Variants in RBMS3 observed in about 807,000 individuals in gnomAD.
The protein encoded by RBMS3 is RNA binding motif single stranded interacting protein 3.
RBMS3 carries 27 observed loss-of-function variants against 66.8 expected under a neutral mutation model. That is an observed-to-expected ratio of 0.40 (90% confidence interval 0.30 to 0.56). The LOEUF is 0.56. RBMS3 is among the 20% of genes least tolerant of loss of function. RBMS3 has a pLI of 0.40. For missense variants in RBMS3, 513 were observed against 549.5 expected (o/e 0.93, Z 0.66); for synonymous variants, 188 against 183.0 (o/e 1.03, Z -0.22).
Position 29,290,747 on chromosome 3 carries a change from G to T in RBMS3, c.75+8991G>T, listed in dbSNP as rs1447475791. 3 of 151,840 alleles carry T rather than the reference G, an allele frequency of 2.0e-5. No individual in the cohort carries two copies. In the Admixed American group the frequency reaches 2.0e-4, roughly 10 times the overall value. 9.4% of individuals were successfully genotyped at this position (151,840 alleles called of 1,614,324 possible). A position where few individuals can be genotyped will look rare whatever the true frequency, so the allele number is the denominator to read the frequency against. ...TTTCTGACTCGTGTTTAACTTTGTT[G>T]TTGAGCTGGAAAAACACAAGAAAAG... is the stretch of plus-strand genomic sequence containing the variant. On this transcript the variant is annotated intron_variant, in intron 1 of 14. Coordinates refer to ENST00000383767, the MANE Select transcript of RBMS3 (RefSeq NM_001003793.3).
At chr3:29,305,702 A>C (rs1355320803) in intron 1 of RBMS3, among the ~76,000 whole-genome samples, 2 of 151,966 alleles carry the variant, frequency 1.3e-5, no homozygotes, top group East Asian at 3.9e-4. Flanking sequence ...CCTTGAGTTT[A>C]CCTGAGCATG....
At chr3:29,423,492 A>C (rs2040830390) in intron 1 of RBMS3, among the ~76,000 whole-genome samples, 1 of 152,216 alleles carries the variant, frequency 6.6e-6, no homozygotes, top group Non-Finnish European at 1.5e-5. Context: ...TATGGTTTCT[A>C]CTAAAAGGAG....
At chr3:29,400,299 C>T (rs1314654116) in intron 1 of RBMS3, among the ~76,000 whole-genome samples, 1 of 151,996 alleles carries the variant, frequency 6.6e-6, no homozygotes, top group Non-Finnish European at 1.5e-5. Context: ...GGACGTTATG[C>T]TAAGTGAAAT....
intron 4 of RBMS3, among the ~76,000 whole-genome samples, chr3:29,591,995 A>G (rs2047754259): frequency 6.6e-6 from 1 of 152,122 alleles, no homozygotes; most frequent in African/African-American, 2.4e-5. Context: ...GGCATAATGT[A>G]AAAATATTAT....
At chr3:29,585,373 G>A (rs1057249439) in intron 3 of RBMS3, among the ~76,000 whole-genome samples, 5 of 152,104 alleles carry the variant, frequency 3.3e-5, no homozygotes, top group Non-Finnish European at 7.4e-5. Context: ...GGCTTCAGAG[G>A]CTACTAGCAT....
chr3:29,295,305 C>A (rs2371608), intron 1 of RBMS3, among the ~76,000 whole-genome samples: 507 of 4,652 alleles, frequency 0.11, 3 homozygotes, highest in African/African-American at 0.24. Flanking sequence ...ACATATATAT[C>A]TATATATATA....
intron 1 of RBMS3, among the ~76,000 whole-genome samples, chr3:29,420,965 T>TAAA (rs777646129): frequency 1.1e-5 from 1 of 92,038 alleles, no homozygotes; most frequent in East Asian, 2.5e-4. Flanking sequence ...AAAAAAAAAT[T>TAAA]AACTGGGCGT....
At chr3:29,599,154 A>AC (rs2048062036) in intron 4 of RBMS3, among the ~76,000 whole-genome samples, 1 of 144,156 alleles carries the variant, frequency 6.9e-6, no homozygotes, top group East Asian at 2.0e-4. Flanking sequence ...GAGAGTGGAG[A>AC]TTTTTTTTTT....
At chr3:29,986,589 T>A (rs1698404465) in intron 12 of RBMS3, among the ~76,000 whole-genome samples, 1 of 152,198 alleles carries the variant, frequency 6.6e-6, no homozygotes, top group Non-Finnish European at 1.5e-5. Flanking sequence ...GCAAATTACC[T>A]ATCTGAAATG....
At chr3:29,771,156 T>TA (rs530762003) in intron 6 of RBMS3, among the ~76,000 whole-genome samples, 200 of 152,164 alleles carry the variant, frequency 1.3e-3, no homozygotes, top group African/African-American at 4.5e-3. Flanking sequence ...TCTTATTTCT[T>TA]ACGTCTTTCA....
At position 29,944,202 on chromosome 3, in the gene RBMS3, C is replaced by T; in HGVS notation, c.1051-5C>T. 1 of 1,582,904 alleles carries T rather than the reference C, an allele frequency of 6.3e-7. No homozygotes were observed. The highest frequency in any genetic ancestry group is 8.7e-7 in the Non-Finnish European group (1 of 1,152,768). On this transcript the variant is annotated splice_polypyrimidine_tract_variant and splice_region_variant and intron_variant, in intron 11 of 14. Transcript: ENST00000383767. ...CATTCTTTCTCATGCTCTTTTCATT[C>T]AAAGATTCAATCCCAAGACAGGATT...
chr3:29,441,169 C>T (rs1322434512), intron 2 of RBMS3, among the ~76,000 whole-genome samples: 11 of 152,134 alleles, frequency 7.2e-5, no homozygotes, highest in South Asian at 2.1e-4. Context: ...TCTTTAAACC[C>T]TGCCTTTGTG....
At chr3:29,347,192 C>A (rs2036628868) in intron 1 of RBMS3, among the ~76,000 whole-genome samples, 1 of 152,068 alleles carries the variant, frequency 6.6e-6, no homozygotes, top group Non-Finnish European at 1.5e-5. Flanking sequence ...TCATTTATTT[C>A]ATTTTCTTTT....
At chr3:29,992,492 G>A (rs9790009) in intron 14 of RBMS3, among the ~76,000 whole-genome samples, 4 of 151,902 alleles carry the variant, frequency 2.6e-5, no homozygotes, top group East Asian at 1.9e-4. Context: ...GGGTCGGGGT[G>A]GGGGGCTGAG....
intron 1 of RBMS3, among the ~76,000 whole-genome samples, chr3:29,348,314 T>G (rs1299557573): frequency 6.6e-6 from 1 of 152,184 alleles, no homozygotes; most frequent in Non-Finnish European, 1.5e-5. Flanking sequence ...ACTAAAATAT[T>G]TCAGGCAAAT....
chr3:29,444,808 T>TTTTTTTTTTTTTTTTTTTTTTTTTTTC (rs2041763955), intron 2 of RBMS3, among the ~76,000 whole-genome samples: 1 of 139,942 alleles, frequency 7.1e-6, no homozygotes, highest in Non-Finnish European at 1.5e-5. Context: ...TTTTTTTTTT[T>TTTTTTTTTTTTTTTTTTTTTTTTTTTC]TTTTGCTCCA....
intron 6 of RBMS3, chr3:29,767,459 C>T (rs778858323): frequency 2.6e-5 from 4 of 151,610 alleles, no homozygotes; most frequent in Non-Finnish European, 5.9e-5. Flanking sequence ...TGAGAGAAAG[C>T]CTACCACATT....
chr3:29,517,038 C>T (rs2044653678), intron 3 of RBMS3, among the ~76,000 whole-genome samples: 1 of 151,786 alleles, frequency 6.6e-6, no homozygotes, highest in Non-Finnish European at 1.5e-5. Flanking sequence ...CATAGTGAAA[C>T]CGATCTCTAC....
intron 10 of RBMS3, among the ~76,000 whole-genome samples, chr3:29,906,152 T>C (rs1247474244): frequency 6.6e-6 from 1 of 152,156 alleles, no homozygotes; most frequent in African/African-American, 2.4e-5. Flanking sequence ...ATATGTATTC[T>C]ATACATTGCT....
Sources: gnomAD v4.1 joint callset for allele counts (sites outside exome capture counted in the v4.1 genomes callset) on GRCh38, gnomAD v4.1.1 for gene constraint, MANE v1.5 for transcripts, NCBI Gene and HGNC (gene_info 2026-07-23, HGNC 2026-07-21) for gene names.